Variants in DYNC1I1 observed in about 807,000 individuals in gnomAD.
The protein encoded by DYNC1I1 is cytoplasmic dynein 1 intermediate chain 1.
Under a neutral mutation model 86.6 loss-of-function variants are expected in DYNC1I1, and 43 were observed. The ratio of observed to expected loss-of-function variants is 0.50; its 90% CI spans 0.39 to 0.64. The LOEUF (loss-of-function observed/expected upper bound fraction) is 0.64, where lower values mean the gene tolerates loss of function less well. Ranked by LOEUF, DYNC1I1 falls within the 30% of genes least tolerant of loss-of-function variation. The probability of loss-of-function intolerance (pLI) is 0.00; values close to 1 mark genes in which losing one functional copy is unlikely to be tolerated. For missense variants in DYNC1I1, 604 were observed against 788.8 expected, an observed-to-expected ratio of 0.77 and a Z score of 2.81; for synonymous variants, 262 against 283.7, an observed-to-expected ratio of 0.92 and a Z score of 0.77.
In DYNC1I1 at chr7:96,010,545, G is replaced by A. The variant is rs555998929; in HGVS notation, c.969+14472G>A. Among the ~76,000 whole-genome samples the A allele has an allele frequency of 2.0e-5, 3 of 152,334 alleles. No individual in the cohort carries two copies. In the South Asian group the frequency reaches 6.2e-4, roughly 32 times the overall value. On this transcript the variant is annotated intron_variant, in intron 10 of 16. Coordinates refer to ENST00000447467, the MANE Select transcript of DYNC1I1 (RefSeq NM_001135556.2). The stretch of plus-strand genomic sequence containing the variant: ...AGTCCATTACTATTTAGACAAGTGA[G>A]TGAATGCTGTTTGTTTGAGAAATAC...
chr7:95,989,818 G>C (rs537328483), intron 9 of DYNC1I1, among the ~76,000 whole-genome samples: 3 of 152,278 alleles, frequency 2.0e-5, no homozygotes, highest in African/African-American at 7.2e-5. Context: ...TATATGAGGC[G>C]TAAGAAAAAG....
intron 3 of DYNC1I1, among the ~76,000 whole-genome samples, chr7:95,810,803 G>A (rs1584244368): frequency 1.3e-5 from 2 of 151,986 alleles, no homozygotes; most frequent in African/African-American, 2.4e-5. Context: ...TTGCCACTTG[G>A]TAAATATAAG....
rs2116391019 is a variant in DYNC1I1, at chr7:95,925,301, G to T, written c.491-52211G>T. 1.3e-5 allele frequency among the ~76,000 whole-genome samples: 2 copies of T among 152,218 alleles called. 1 individual carries two copies. The highest frequency in any genetic ancestry group is 4.1e-4 in the South Asian group (2 of 4,824). ...ACCCCCTTTCCACCTCCCTTTTGAT[G>T]AAAATCATCAAAATGTGAGATGAAA... On this transcript the variant is annotated intron_variant, in intron 6 of 16. Coordinates refer to ENST00000447467, the MANE Select transcript of DYNC1I1 (RefSeq NM_001135556.2).
chr7:96,075,810 T>C (rs1368296935), intron 14 of DYNC1I1, among the ~76,000 whole-genome samples: 1 of 152,078 alleles, frequency 6.6e-6, no homozygotes, highest in Non-Finnish European at 1.5e-5. Flanking sequence ...AACTCTGTTG[T>C]CTGAAACCGC....
In DYNC1I1 at chr7:96,003,000, C is replaced by T. The variant is rs572630402; in HGVS notation, c.969+6927C>T. 4.6e-5 allele frequency among the ~76,000 whole-genome samples: 7 copies of T among 151,994 alleles called. No homozygotes were observed. In the South Asian group the frequency reaches 6.3e-4, roughly 14 times the overall value. Reference sequence around the variant, plus strand: ...CTGGGATTACAGGCGCACACCACCACGCCCAGCAAAGTTTTGTATTTTTTG... The same window carrying T: ...CTGGGATTACAGGCGCACACCACCATGCCCAGCAAAGTTTTGTATTTTTTG... On this transcript the variant is annotated intron_variant, in intron 10 of 16. Coordinates refer to ENST00000447467, the MANE Select transcript of DYNC1I1 (RefSeq NM_001135556.2).
Position 95,901,973 on chromosome 7 carries a change from T to C in DYNC1I1, c.490+31975T>C, listed in dbSNP as rs1791047494. Reference sequence around the variant, plus strand: ...AGATCTGAAACTGATTCTCCAACTTTAGTGGGCCAGTGCATAAAATGATCC... The same window carrying C: ...AGATCTGAAACTGATTCTCCAACTTCAGTGGGCCAGTGCATAAAATGATCC... On this transcript the variant is annotated intron_variant, in intron 6 of 16. Coordinates refer to ENST00000447467, the MANE Select transcript of DYNC1I1 (RefSeq NM_001135556.2). Among the ~76,000 whole-genome samples, 7 of 152,328 alleles carry C rather than the reference T, an allele frequency of 4.6e-5. No individual in the cohort carries two copies. The South Asian group carries it at 1.2e-3, about 27-fold the overall frequency.
At chr7:95,851,548 C>T (rs1007280694) in intron 5 of DYNC1I1, among the ~76,000 whole-genome samples, 1 of 151,954 alleles carries the variant, frequency 6.6e-6, no homozygotes, top group African/African-American at 2.4e-5. Context: ...ATCTTTGCAT[C>T]TCTGGGATGA....
intron 12 of DYNC1I1, 96 bp downstream of exon 12, chr7:96,032,876 A>G: frequency 3.0e-6 from 3 of 1,010,446 alleles, no homozygotes; most frequent in Non-Finnish European, 4.4e-6. Context: ...CTCACATCCT[A>G]GAGGAGCTAA....
At chr7:95,870,069 T>C in intron 6 of DYNC1I1, 71 bp downstream of exon 6, 1 of 1,329,420 alleles carries the variant, frequency 7.5e-7, no homozygotes, top group Non-Finnish European at 1.0e-6. Context: ...ATCTTTCTTG[T>C]TGATTTCCTC....
chr7:95,997,583 T>TTGTGTGTGTGTG lies in DYNC1I1; in HGVS notation c.969+1540_969+1551dup, dbSNP rs34117329. ...CTAGTATTAATTGAAAAGGGCATTCTTGTGTGTGTGTGTGTGTGTGTGTGT... is the reference window on the plus strand; with the variant it reads ...CTAGTATTAATTGAAAAGGGCATTCTTGTGTGTGTGTGTGTGTGTGTGTGTGTGTGTGTGTGT... On this transcript the variant is annotated intron_variant, in intron 10 of 16. Transcript: ENST00000447467. Among the ~76,000 whole-genome samples the TTGTGTGTGTGTG allele has an allele frequency of 8.0e-3, 1,140 of 142,804 alleles. 4 individuals carry two copies. Among genetic ancestry groups the TTGTGTGTGTGTG allele is most frequent in the Non-Finnish European group, 0.012 (768 of 65,310 alleles). 93.7% of individuals were successfully genotyped at this position (142,804 alleles called of 152,430 possible). A position where few individuals can be genotyped will look rare whatever the true frequency, so the allele number is the denominator to read the frequency against.
At chr7:95,814,091 G>A (rs1398961520) in intron 4 of DYNC1I1, among the ~76,000 whole-genome samples, 1 of 152,154 alleles carries the variant, frequency 6.6e-6, no homozygotes, top group Admixed American at 6.6e-5. Context: ...GGGTCCACAG[G>A]CAGGAATTTA....
At chr7:95,998,030 C>A (rs1419050183) in intron 10 of DYNC1I1, among the ~76,000 whole-genome samples, 1 of 152,186 alleles carries the variant, frequency 6.6e-6, no homozygotes, top group East Asian at 1.9e-4. Flanking sequence ...ATAATAAAGG[C>A]AATTTGGTTA....
At chr7:96,005,980 G>A (rs1272887709) in intron 10 of DYNC1I1, among the ~76,000 whole-genome samples, 2 of 152,124 alleles carry the variant, frequency 1.3e-5, no homozygotes, top group Admixed American at 1.3e-4. Flanking sequence ...CAAAGTAAAT[G>A]TGCTTCTCTG....
At chr7:95,836,761 G>A (rs917102687) in intron 5 of DYNC1I1, among the ~76,000 whole-genome samples, 46 of 151,644 alleles carry the variant, frequency 3.0e-4, no homozygotes, top group Admixed American at 2.4e-3. Flanking sequence ...TGATTGCATT[G>A]GCTCCTGAGG....
At position 95,785,799 on chromosome 7, in the gene DYNC1I1, A is replaced by G. The variant is rs868048575; in HGVS notation, c.-10+13026A>G. ...TGTATATATATATATATATATATATATATATATATATATATATATTATATA... is the reference window on the plus strand; with the variant it reads ...TGTATATATATATATATATATATATGTATATATATATATATATATTATATA... On this transcript the variant is annotated intron_variant, in intron 1 of 16. Transcript: ENST00000447467. 4.6e-3 allele frequency among the ~76,000 whole-genome samples: 564 copies of G among 123,216 alleles called. 10 individuals are homozygous for G. Among genetic ancestry groups the G allele is most frequent in the African/African-American group, 0.023 (536 of 22,890 alleles). 80.8% of individuals were successfully genotyped at this position (123,216 alleles called of 152,430 possible). A position where few individuals can be genotyped will look rare whatever the true frequency, so the allele number is the denominator to read the frequency against.
chr7:96,103,084 A>G (rs1357904997), downstream of DYNC1I1, among the ~76,000 whole-genome samples: 2 of 152,222 alleles, frequency 1.3e-5, no homozygotes, highest in Non-Finnish European at 2.9e-5. Context: ...ATTGTCACCC[A>G]ACAGGATTTT....
chr7:96,055,238 A>C (rs1416045599), intron 14 of DYNC1I1, among the ~76,000 whole-genome samples: 1 of 151,982 alleles, frequency 6.6e-6, no homozygotes, highest in Admixed American at 6.6e-5. Flanking sequence ...GGAGGGGAAC[A>C]TCACACACTG....
chr7:95,901,454 G>A (rs1791034956), intron 6 of DYNC1I1, among the ~76,000 whole-genome samples: 1 of 152,208 alleles, frequency 6.6e-6, no homozygotes, highest in Admixed American at 6.5e-5. Flanking sequence ...GTATTCTTCA[G>A]ACTGAAGCAG....
intron 6 of DYNC1I1, among the ~76,000 whole-genome samples, chr7:95,953,889 A>G (rs1448560812): frequency 2.0e-5 from 3 of 152,152 alleles, no homozygotes; most frequent in Non-Finnish European, 4.4e-5. Context: ...TTTACTTGTG[A>G]CTTAATTCTA....
Sources: gnomAD v4.1 joint callset for allele counts (sites outside exome capture counted in the v4.1 genomes callset) on GRCh38, gnomAD v4.1.1 for gene constraint, MANE v1.5 for transcripts, NCBI Gene and HGNC (gene_info 2026-07-23, HGNC 2026-07-21) for gene names.